KIF1A: variants seen among roughly 807,000 people sequenced by gnomAD.
The protein encoded by KIF1A is kinesin-like protein KIF1A.
A neutral mutation model predicts 227.3 loss-of-function variants in KIF1A; 46 were observed. That is an observed-to-expected ratio of 0.20 (90% CI 0.16 to 0.26). KIF1A has a LOEUF of 0.26. Among genes scored for constraint, KIF1A ranks in the 10% least tolerant of loss-of-function variants. The pLI is 1.00. For synonymous variants in KIF1A, 1,022 were observed against 1,012.8 expected (o/e 1.01, Z -0.17); for missense variants, 1,683 against 2,485.9 (o/e 0.68, Z 6.87).
Position 240,726,698 on chromosome 2 carries a change from A to G in KIF1A, c.4122+128T>C, listed in dbSNP as rs2046050295. The G allele has an allele frequency of 2.1e-6, 1 of 487,774 alleles. No individual in the cohort carries two copies. Among genetic ancestry groups the G allele is most frequent in the South Asian group, 5.3e-5 (1 of 19,044 alleles). 30.2% of individuals were successfully genotyped at this position (487,774 alleles called of 1,614,324 possible). A position where few individuals can be genotyped will look rare whatever the true frequency, so the allele number is the denominator to read the frequency against. On this transcript the variant is annotated intron_variant, in intron 39 of 48. Coordinates refer to ENST00000498729, the MANE Select transcript of KIF1A (RefSeq NM_001244008.2). The surrounding 1 kb of genome is among the most constrained non-coding windows in gnomAD (Gnocchi z 5.2). ...GTTTTTGTTTTTTAAAAGGCACACA[A>G]ATTTAACCCAGGGACTTGAGAACTA... is the stretch of plus-strand genomic sequence containing the variant.
Position 240,766,747 on chromosome 2 carries a change from T to TCACACACACACACA in KIF1A, c.1684+167_1684+168insTGTGTGTGTGTGTG, listed in dbSNP as rs1344499129. ...ATCTCTCTCTCTCTCTCTCTCTCTC[T>TCACACACACACACA]CTCACACACACACACACACACACAC... is the stretch of plus-strand genomic sequence containing the variant. On this transcript the variant is annotated intron_variant, in intron 19 of 48. Transcript: ENST00000498729. The surrounding 1 kb of genome is among the most constrained non-coding windows in gnomAD (Gnocchi z 5.0). 5.9e-5 allele frequency among the ~76,000 whole-genome samples: 7 copies of TCACACACACACACA among 119,518 alleles called. No homozygotes were observed. The highest frequency in any genetic ancestry group is 4.1e-4 in the Admixed American group (5 of 12,250). 78.4% of individuals were successfully genotyped at this position (119,518 alleles called of 152,430 possible). A position where few individuals can be genotyped will look rare whatever the true frequency, so the allele number is the denominator to read the frequency against.
intron 1 of KIF1A, among the ~76,000 whole-genome samples, chr2:240,811,455 A>G (rs1244747523): frequency 6.6e-6 from 1 of 152,244 alleles, no homozygotes; most frequent in African/African-American, 2.4e-5. Flanking sequence ...CGTGGCCCCA[A>G]GGGTGGCCAG....
At chr2:240,720,066 T>A in intron 45 of KIF1A, 140 bp from the exon 46 acceptor site, 1 of 745,494 alleles carries the variant, frequency 1.3e-6, no homozygotes. Flanking sequence ...GTGCCCACAG[T>A]GGGAGCTCCC....
At chr2:240,781,975 T>C (rs2126040918) in intron 10 of KIF1A, 2 of 985,402 alleles carry the variant, frequency 2.0e-6, no homozygotes, top group South Asian at 4.7e-5. Flanking sequence ...CCCTGTGCGT[T>C]TCCCAGTGAG....
At chr2:240,720,581 C>T (rs547981591) in intron 45 of KIF1A, 3 of 202,624 alleles carry the variant, frequency 1.5e-5, no homozygotes, top group Non-Finnish European at 3.0e-5. Flanking sequence ...CTGACTCTAA[C>T]GGCTCTCATG....
intron 37 of KIF1A, among the ~76,000 whole-genome samples, chr2:240,737,847 T>C (rs7578279): frequency 0.54 from 82,357 of 152,018 alleles, 22,687 homozygotes; most frequent in African/African-American, 0.57. Context: ...TACATTTTCT[T>C]TGTTGCGCCA....
chr2:240,807,333 T>C (rs996517077), intron 1 of KIF1A, among the ~76,000 whole-genome samples: 1 of 152,002 alleles, frequency 6.6e-6, no homozygotes, highest in Non-Finnish European at 1.5e-5. Context: ...AGTAGATACA[T>C]GGTTTCTCCA....
In KIF1A at chr2:240,742,972, G is replaced by C. The variant is rs2048168059; in HGVS notation, c.3597C>G (p.Pro1199=). The change falls in exon 34 of 49, where the codon CCC becomes CCG. Residue 1199 remains proline (P), a synonymous_variant. Coordinates refer to ENST00000498729, the MANE Select transcript of KIF1A (RefSeq NM_001244008.2). Reference sequence around the variant, plus strand: ...TGACCCGAGGGAAGTGGCGGCGCGAGGGCCTCAGGGGGCTGTGGAGAAAGG... The same window carrying C: ...TGACCCGAGGGAAGTGGCGGCGCGACGGCCTCAGGGGGCTGTGGAGAAAGG... The part of the protein sequence containing the change: ...LCKDVLSPLR[P]SRRHFPRVMP... 1 of 1,610,146 alleles carries C rather than the reference G, an allele frequency of 6.2e-7. No individual in the cohort carries two copies. Among genetic ancestry groups the C allele is most frequent in the East Asian group, 2.2e-5 (1 of 44,790 alleles).
At position 240,766,749 on chromosome 2, in the gene KIF1A, T is replaced by TCTCACACA. The variant is rs1454271542; in HGVS notation, c.1684+165_1684+166insTGTGTGAG. Among the ~76,000 whole-genome samples, 100 of 109,014 alleles carry TCTCACACA rather than the reference T, an allele frequency of 9.2e-4. No homozygotes were observed. The highest frequency in any genetic ancestry group is 5.6e-3 in the Middle Eastern group (1 of 178). The allele number at this position is 109,014 out of a possible 152,430, so 71.5% of individuals were successfully genotyped here. A position where few individuals can be genotyped will look rare whatever the true frequency, so the allele number is the denominator to read the frequency against. On this transcript the variant is annotated intron_variant, in intron 19 of 48. Coordinates refer to ENST00000498729, the MANE Select transcript of KIF1A (RefSeq NM_001244008.2). This position sits in a 1 kb window ranked among gnomAD's most constrained non-coding sequence, Gnocchi z 5.0. ...CTCTCTCTCTCTCTCTCTCTCTCTC[T>TCTCACACA]CACACACACACACACACACACACAC... is the stretch of plus-strand genomic sequence containing the variant.
rs1309959038 is a variant in KIF1A, at chr2:240,763,058, C to T, written c.1983G>A (p.Glu661=). The T allele has an allele frequency of 9.7e-6, 15 of 1,548,094 alleles. No individual in the cohort carries two copies. Among genetic ancestry groups the T allele is most frequent in the African/African-American group, 1.4e-5 (1 of 73,626 alleles). ...LQELEDQYRR[E]REEATYLLEQ... ...CCAGCAGGTAGGTGGCCTCCTCCCG[C>T]TCGCGGCGGTACTGGTCCTCCAGTT... Residue 661 remains glutamate, a synonymous_variant, in exon 22 of 49, where the codon GAG becomes GAA. Coordinates refer to ENST00000498729, the MANE Select transcript of KIF1A (RefSeq NM_001244008.2).
intron 2 of KIF1A, 121 bp downstream of exon 2, chr2:240,797,526 T>C (rs1020873265): frequency 1.5e-6 from 1 of 681,726 alleles, no homozygotes; most frequent in Non-Finnish European, 2.6e-6. Context: ...ACACGCCACA[T>C]AGACAAGGAG....
intron 4 of KIF1A, among the ~76,000 whole-genome samples, chr2:240,787,737 A>G (rs1290021819): frequency 2.0e-5 from 3 of 152,084 alleles, no homozygotes; most frequent in Admixed American, 6.5e-5. Context: ...CTCTGCCCAC[A>G]CTGCCAGCCC....
Position 240,719,810 on chromosome 2 carries a change from C to T in KIF1A, c.4985G>A (p.Arg1662His), listed in dbSNP as rs199557318. ...RATETDKEPQRLLVPDIQEIR... is the reference protein window; with the variant it reads ...RATETDKEPQHLLVPDIQEIR... ...CTCCTGGATGTCAGGGACCAGCAGG[C>T]GCTGGGGCTCCTTGTCTGTCTCTGT... Residue 1662 changes from arginine (R) to histidine (H), a missense_variant, in exon 46 of 49, where the codon CGC (arginine) becomes CAC (histidine). Around this residue, in one of 12 missense-constraint regions of KIF1A, gnomAD observed 384 missense variants for 410.1 expected, o/e 0.94. Coordinates refer to ENST00000498729, the MANE Select transcript of KIF1A (RefSeq NM_001244008.2). The T allele has an allele frequency of 1.6e-4, 261 of 1,606,608 alleles. No individual in the cohort carries two copies. The highest frequency in any genetic ancestry group is 3.9e-4 in the African/African-American group (29 of 74,684).
chr2:240,725,794 A>C lies in KIF1A; in HGVS notation c.4123-390T>G. 1 of 173,652 alleles carries C rather than the reference A, an allele frequency of 5.8e-6. No individual in the cohort carries two copies. Among genetic ancestry groups the C allele is most frequent in the Non-Finnish European group, 1.2e-5 (1 of 82,244 alleles). 10.8% of individuals were successfully genotyped at this position (173,652 alleles called of 1,614,324 possible). On this transcript the variant is annotated intron_variant, in intron 39 of 48. Coordinates refer to ENST00000498729, the MANE Select transcript of KIF1A (RefSeq NM_001244008.2). This position sits in a 1 kb window ranked among gnomAD's most constrained non-coding sequence, Gnocchi z 5.8. Reference sequence around the variant, plus strand: ...GTTTGAATGTGCACATTTTAACCCAAACACCACAGAAAATGACTTCCTGGT... The same window carrying C: ...GTTTGAATGTGCACATTTTAACCCACACACCACAGAAAATGACTTCCTGGT...
intron 1 of KIF1A, among the ~76,000 whole-genome samples, chr2:240,806,938 C>A (rs11681088): frequency 0.38 from 57,156 of 151,592 alleles, 11,458 homozygotes; most frequent in African/African-American, 0.52. Flanking sequence ...AGGGAAACAC[C>A]CAAAGAATAT....
Position 240,737,160 on chromosome 2 carries a change from G to A in KIF1A, c.3910C>T (p.Arg1304Ter), listed in dbSNP as rs879254106. 2 of 1,613,376 alleles carry A rather than the reference G, an allele frequency of 1.2e-6. No homozygotes were observed. Among genetic ancestry groups the A allele is most frequent in the South Asian group, 1.1e-5 (1 of 91,062 alleles). The change falls in exon 38 of 49, where the codon CGA becomes TGA. Residue 1304 changes from arginine (R) to a stop codon, truncating the protein, a stop_gained. Transcript: ENST00000498729. LOFTEE classifies it high-confidence loss of function. The part of the protein sequence containing the change: ...EVRELVVGRI[R>*]NTPETDESLI... Reference sequence around the variant, plus strand: ...GACTCGTCGGTCTCTGGAGTGTTTCGGATGCGGCCTGCAGAAAAGGCAACG... The same window carrying A: ...GACTCGTCGGTCTCTGGAGTGTTTCAGATGCGGCCTGCAGAAAAGGCAACG...
chr2:240,750,399 T>G (rs986909725), intron 28 of KIF1A, 30 bp downstream of exon 28: 1 of 1,547,968 alleles, frequency 6.5e-7, no homozygotes, highest in South Asian at 1.1e-5. Flanking sequence ...GGGGCTCCAA[T>G]GCCACACACG....
chr2:240,797,701 G>A lies in KIF1A; in HGVS notation c.52C>T (p.Arg18Trp), dbSNP rs2056556566. Residue 18 changes from arginine to tryptophan, a missense_variant, in exon 2 of 49, where the codon CGG (arginine) becomes TGG (tryptophan). Physicochemically the swap from Arg to Trp is moderately radical, Grantham distance 101. This residue lies in a region of KIF1A where 71 missense variants were observed against 129.1 expected (regional missense o/e 0.55). Coordinates refer to ENST00000498729, the MANE Select transcript of KIF1A (RefSeq NM_001244008.2). ...VAVRVRPFNS[R>W]EMSRDSKCII... ...CACTTGGAGTCACGGCTCATTTCCC[G>A]GGAATTGAAGGGGCGGACCCGCACC... 2.5e-6 allele frequency: 4 copies of A among 1,612,544 alleles called. No individual in the cohort carries two copies. The highest frequency in any genetic ancestry group is 2.2e-5 in the East Asian group (1 of 44,888).
chr2:240,775,993 G>T lies in KIF1A; in HGVS notation c.883-67C>A. The T allele has an allele frequency of 1.8e-6, 2 of 1,107,792 alleles. No individual in the cohort carries two copies. Among genetic ancestry groups the T allele is most frequent in the Non-Finnish European group, 2.8e-6 (2 of 725,328 alleles). The allele number at this position is 1,107,792 out of a possible 1,614,324, so 68.6% of individuals were successfully genotyped here. ...CAGAGGAAGCGAAAGGGAGGGGCCA[G>T]CGCAGGCCCTGCCAAGTGGGTCCTC... is the stretch of plus-strand genomic sequence containing the variant. On this transcript the variant is annotated intron_variant, in intron 10 of 48. Coordinates refer to ENST00000498729, the MANE Select transcript of KIF1A (RefSeq NM_001244008.2). This position sits in a 1 kb window ranked among gnomAD's most constrained non-coding sequence, Gnocchi z 5.5.
Sources: allele counts gnomAD v4.1 joint callset (sites outside exome capture counted in the v4.1 genomes callset), GRCh38; gene constraint gnomAD v4.1.1; regional missense constraint gnomAD v4.1.1; non-coding constraint Gnocchi (gnomAD v3.1); transcripts MANE v1.5; gene names NCBI Gene and HGNC (gene_info 2026-07-23, HGNC 2026-07-21).